UFM1: variants seen among roughly 807,000 people sequenced by gnomAD.
UFM1 encodes ubiquitin-fold modifier 1.
In UFM1, 9 loss-of-function variants were observed where a neutral mutation model predicts 15.4. The observed-to-expected ratio is 0.59, with a 90% CI of 0.35 to 1.02. The LOEUF (loss-of-function observed/expected upper bound fraction) is 1.02, where lower values mean the gene tolerates loss of function less well. Ranked by LOEUF, UFM1 falls within the 50% of genes least tolerant of loss-of-function variation. UFM1 has a pLI of 0.02. For missense variants in UFM1, 98 were observed against 104.7 expected, an observed-to-expected ratio of 0.94 and a Z score of 0.28; for synonymous variants, 27 against 36.3, an observed-to-expected ratio of 0.74 and a Z score of 0.92.
intron 2 of UFM1, 199 bp downstream of exon 2, chr13:38,350,254 C>G (rs1193626115): frequency 6.3e-7 from 1 of 1,579,774 alleles, no homozygotes; most frequent in Non-Finnish European, 8.6e-7. Context: ...TAAGTGTCAG[C>G]TTGGCAGCTT....
At chr13:38,352,636 A>C (rs1878913513) in intron 2 of UFM1, among the ~76,000 whole-genome samples, 1 of 152,218 alleles carries the variant, frequency 6.6e-6, no homozygotes, top group Non-Finnish European at 1.5e-5. Flanking sequence ...TTAAATCTAG[A>C]TAAGATCTGT....
At chr13:38,357,666 C>A (rs1166698368) in intron 3 of UFM1, among the ~76,000 whole-genome samples, 5 of 151,718 alleles carry the variant, frequency 3.3e-5, no homozygotes, top group Non-Finnish European at 2.9e-5. Context: ...TGACTGGAAG[C>A]CTTACTGATA....
chr13:38,359,367 G>A (rs761592044), intron 5 of UFM1, 34 bp downstream of exon 5: 13 of 1,608,066 alleles, frequency 8.1e-6, no homozygotes, highest in Non-Finnish European at 1.1e-5. Context: ...GGAGTGGGTG[G>A]GGTTATATAT....
chr13:38,350,550 G>A (rs1488101227), intron 2 of UFM1, among the ~76,000 whole-genome samples: 1 of 152,174 alleles, frequency 6.6e-6, no homozygotes, highest in African/African-American at 2.4e-5. Context: ...TAACTCAGCA[G>A]TCGGGCATCA....
intron 2 of UFM1, 21 bp downstream of exon 2, chr13:38,350,076 G>A: frequency 6.2e-7 from 1 of 1,614,240 alleles, no homozygotes; most frequent in Non-Finnish European, 8.5e-7. Context: ...CGGCCGAGAT[G>A]GGCCTTTTGG....
chr13:38,350,103 G>T, intron 2 of UFM1, 48 bp downstream of exon 2: 1 of 1,614,230 alleles, frequency 6.2e-7, no homozygotes, highest in Non-Finnish European at 8.5e-7. Context: ...ACAAGACGGG[G>T]CTGGGTTGGG....
chr13:38,356,278 A>G (rs546358900), intron 3 of UFM1, among the ~76,000 whole-genome samples: 21 of 151,998 alleles, frequency 1.4e-4, no homozygotes, highest in Admixed American at 3.9e-4. Flanking sequence ...GATGTAAAAG[A>G]CTCAATCAGT....
At chr13:38,354,371 T>C (rs1879002079) in intron 3 of UFM1, 75 bp downstream of exon 3, 7 of 1,368,060 alleles carry the variant, frequency 5.1e-6, no homozygotes, top group Non-Finnish European at 6.1e-6. Flanking sequence ...AAGAGTTGCA[T>C]GCACTTTGAC....
rs779389046 is a variant in UFM1 at position 38,349,985 on chromosome 13, G to T, written c.3-14G>T. The stretch of plus-strand genomic sequence containing the variant: ...AGCTGCCCGACCCTGACTCTCTCCC[G>T]CTCTTTTCCTCAGGTCGAAGGTTTC... On this transcript the variant is annotated splice_polypyrimidine_tract_variant and intron_variant, in intron 1 of 5. Coordinates refer to ENST00000239878, the MANE Select transcript of UFM1 (RefSeq NM_016617.4). The T allele has an allele frequency of 3.1e-6, 5 of 1,613,994 alleles. No homozygotes were observed. The Admixed American group carries it at 8.3e-5, about 27-fold the overall frequency.
rs1384635218 is a variant in UFM1, at chr13:38,352,329, C to G, written c.60-1910C>G. Reference sequence around the variant, plus strand: ...AGCCAGGATGGTTTCCATCTCCTGACCTCGTGATCTGCCCACCTCGGCCTC... The same window carrying G: ...AGCCAGGATGGTTTCCATCTCCTGAGCTCGTGATCTGCCCACCTCGGCCTC... On this transcript the variant is annotated intron_variant, in intron 2 of 5. Transcript: ENST00000239878. 3.3e-5 allele frequency among the ~76,000 whole-genome samples: 5 copies of G among 151,990 alleles called. No individual in the cohort carries two copies. In the East Asian group the frequency reaches 9.7e-4, roughly 29 times the overall value.
At position 38,358,112 on chromosome 13, in the gene UFM1, C is replaced by A; in HGVS notation, c.137C>A (p.Thr46Lys). ...ATTTAGTTTAAAGTTCCTGCTGCAACAAGTGCAATTATTACCAATGGTAAG... is the reference window on the plus strand; with the variant it reads ...ATTTAGTTTAAAGTTCCTGCTGCAAAAAGTGCAATTATTACCAATGGTAAG... ...AAEEFKVPAA[T>K]SAIITNDGIG... is the part of the protein sequence containing the mutation. The change falls in exon 4 of 6, where the codon ACA becomes AAA. Residue 46 changes from threonine (T) to lysine (K), a missense_variant. Coordinates refer to ENST00000239878, the MANE Select transcript of UFM1 (RefSeq NM_016617.4). The A allele has an allele frequency of 7.0e-7, 1 of 1,423,362 alleles. No individual in the cohort carries two copies. Among genetic ancestry groups the A allele is most frequent in the Non-Finnish European group, 9.4e-7 (1 of 1,066,306 alleles). The allele number at this position is 1,423,362 out of a possible 1,614,324, so 88.2% of individuals were successfully genotyped here.
At position 38,354,299 on chromosome 13, in the gene UFM1, A is replaced by G; in HGVS notation, c.117+3A>G. The G allele has an allele frequency of 6.2e-7, 1 of 1,607,878 alleles. No individual in the cohort carries two copies. Among genetic ancestry groups the G allele is most frequent in the Non-Finnish European group, 8.5e-7 (1 of 1,175,928 alleles). On this transcript the variant is annotated splice_donor_region_variant and intron_variant, in intron 3 of 5. Transcript: ENST00000239878. ...TCTTAAAGTTTGCAGCAGAAGAAGT[A>G]AGTACAGAAGTTGGAACAACCTTTA...
chr13:38,352,002 C>T (rs1878877981), intron 2 of UFM1, among the ~76,000 whole-genome samples: 1 of 151,962 alleles, frequency 6.6e-6, no homozygotes, highest in Non-Finnish European at 1.5e-5. Flanking sequence ...TTCCTTTACA[C>T]ATGTTCTTTT....
At position 38,357,317 on chromosome 13, in the gene UFM1, C is replaced by T. The variant is rs1355641958; in HGVS notation, c.118-776C>T. Among the ~76,000 whole-genome samples the T allele has an allele frequency of 3.9e-5, 6 of 151,970 alleles. No individual in the cohort carries two copies. The East Asian group carries it at 1.2e-3, about 29-fold the overall frequency. On this transcript the variant is annotated intron_variant, in intron 3 of 5. Transcript: ENST00000239878. Reference sequence around the variant, plus strand: ...GGAGAAATTTTAGGAATAATCTCATCAGTTTATTTTGCATGTACTTTTTGC... The same window carrying T: ...GGAGAAATTTTAGGAATAATCTCATTAGTTTATTTTGCATGTACTTTTTGC...
chr13:38,356,939 C>T (rs1879127527), intron 3 of UFM1, among the ~76,000 whole-genome samples: 1 of 151,826 alleles, frequency 6.6e-6, no homozygotes, highest in South Asian at 2.1e-4. Context: ...CACACTTTGG[C>T]AACTGCTGGT....
chr13:38,360,135 A>G, intron 5 of UFM1: 1 of 311,066 alleles, frequency 3.2e-6, no homozygotes, highest in Admixed American at 4.2e-5. Context: ...AATTTTATTA[A>G]AAAGGTTTAT....
chr13:38,358,027 T>C, intron 3 of UFM1, 66 bp from the exon 4 acceptor site: 1 of 767,856 alleles, frequency 1.3e-6, no homozygotes, highest in Non-Finnish European at 1.9e-6. Context: ...TTGCTAATTA[T>C]CTTATAGTTT....
intron 2 of UFM1, among the ~76,000 whole-genome samples, chr13:38,353,043 C>A (rs1209638506): frequency 6.6e-6 from 1 of 151,948 alleles, no homozygotes; most frequent in Non-Finnish European, 1.5e-5. Context: ...TTTTTTTCCA[C>A]CCCCCAAAAA....
chr13:38,353,548 A>AT (rs1566031138), intron 2 of UFM1, among the ~76,000 whole-genome samples: 1 of 152,070 alleles, frequency 6.6e-6, no homozygotes, highest in East Asian at 1.9e-4. Context: ...AGAAAAAAAA[A>AT]ATATATTTAT....
Sources: allele counts gnomAD v4.1 joint callset (sites outside exome capture counted in the v4.1 genomes callset), GRCh38; gene constraint gnomAD v4.1.1; transcripts MANE v1.5; gene names NCBI Gene and HGNC (gene_info 2026-07-23, HGNC 2026-07-21).